The following GRIP1 variants were observed in gnomAD, a reference collection of about 807,000 sequenced individuals.
GRIP1 encodes the protein glutamate receptor interacting protein 1.
GRIP1 carries 45 observed loss-of-function variants against 129.9 expected under a neutral mutation model. The observed-to-expected ratio is 0.35, with a 90% CI of 0.27 to 0.44. The LOEUF (loss-of-function observed/expected upper bound fraction) is 0.44. Among genes scored for constraint, GRIP1 ranks in the 20% least tolerant of loss-of-function variants. The pLI is 1.00. For missense variants in GRIP1, 1,196 were observed against 1,396.8 expected, an observed-to-expected ratio of 0.86 and a Z score of 2.29; for synonymous variants, 530 against 520.8, an observed-to-expected ratio of 1.02 and a Z score of -0.24.
At chr12:66,631,328 T>A in intron 1 of GRIP1, among the ~76,000 whole-genome samples, 1 of 152,228 alleles carries the variant, frequency 6.6e-6, no homozygotes, top group Admixed American at 6.5e-5. Context: ...CCGCTGAAGC[T>A]GGCGTTATTT....
chr12:66,583,526 T>C (rs1471253266), intron 2 of GRIP1, among the ~76,000 whole-genome samples: 1 of 127,580 alleles, frequency 7.8e-6, no homozygotes, highest in African/African-American at 3.0e-5. Flanking sequence ...AGGGCTAATA[T>C]CCAGAATCTA....
intron 14 of GRIP1, 58 bp from the exon 15 acceptor site, chr12:66,420,847 T>A: frequency 1.1e-6 from 1 of 934,920 alleles, no homozygotes; most frequent in Non-Finnish European, 1.8e-6. Context: ...CCCCTTACTG[T>A]ACATTTCCCC....
intron 2 of GRIP1, among the ~76,000 whole-genome samples, chr12:66,572,747 T>G (rs1413584830): frequency 6.6e-6 from 1 of 152,176 alleles, no homozygotes; most frequent in East Asian, 1.9e-4. Flanking sequence ...ACCCCCAGTG[T>G]GAGAAACTAA....
At chr12:66,907,890 T>C (rs2137298627) in intron 1 of GRIP1, among the ~76,000 whole-genome samples, 1 of 152,172 alleles carries the variant, frequency 6.6e-6, no homozygotes, top group East Asian at 1.9e-4. Context: ...GGAGAAAGGG[T>C]CATGCCAACC....
intron 2 of GRIP1, among the ~76,000 whole-genome samples, chr12:66,555,507 C>A (rs1407411173): frequency 1.1e-4 from 17 of 152,172 alleles, no homozygotes; most frequent in Admixed American, 1.1e-3. Flanking sequence ...AATGCTCAGA[C>A]ACTGATGAAC....
At chr12:66,761,637 A>G (rs2136672595) in intron 1 of GRIP1, among the ~76,000 whole-genome samples, 1 of 152,330 alleles carries the variant, frequency 6.6e-6, no homozygotes. Flanking sequence ...TCTCAAGGAC[A>G]GGTATTTCAT....
At chr12:66,829,441 G>A (rs7971255) in intron 1 of GRIP1, among the ~76,000 whole-genome samples, 85 of 152,214 alleles carry the variant, frequency 5.6e-4, no homozygotes, top group African/African-American at 1.8e-3. Context: ...AGAACTCTAA[G>A]AGAAACAATA....
chr12:66,872,328 C>G (rs771020939), intron 1 of GRIP1, among the ~76,000 whole-genome samples: 1 of 152,026 alleles, frequency 6.6e-6, no homozygotes, highest in Non-Finnish European at 1.5e-5. Flanking sequence ...CAGGCAACAG[C>G]ACAGGTTGCA....
chr12:66,506,469 A>C (rs895684198), intron 7 of GRIP1, among the ~76,000 whole-genome samples: 3 of 152,194 alleles, frequency 2.0e-5, no homozygotes, highest in Non-Finnish European at 4.4e-5. Context: ...ATTTATATAA[A>C]GTTTAAAGTC....
chr12:66,625,713 G>T (rs539425161), intron 1 of GRIP1, among the ~76,000 whole-genome samples: 2 of 152,236 alleles, frequency 1.3e-5, no homozygotes, highest in African/African-American at 4.8e-5. Context: ...AATTTTAAAT[G>T]GAGCTTCCAA....
At chr12:66,984,580 C>A (rs1224832636) in intron 1 of GRIP1, among the ~76,000 whole-genome samples, 2 of 152,056 alleles carry the variant, frequency 1.3e-5, no homozygotes, top group African/African-American at 4.8e-5. Flanking sequence ...TATGATTATC[C>A]CCATTTTATA....
intron 1 of GRIP1, among the ~76,000 whole-genome samples, chr12:66,699,789 T>A (rs1314574179): frequency 6.6e-6 from 1 of 152,152 alleles, no homozygotes; most frequent in East Asian, 1.9e-4. Flanking sequence ...GAATGGCACA[T>A]CCTTACTCAC....
chr12:66,916,616 T>C (rs2041126814), intron 1 of GRIP1, among the ~76,000 whole-genome samples: 1 of 152,148 alleles, frequency 6.6e-6, no homozygotes, highest in African/African-American at 2.4e-5. Context: ...GTATCTACCA[T>C]TACTTCAAAA....
chr12:66,408,340 G>A (rs28813994), intron 15 of GRIP1, among the ~76,000 whole-genome samples: 5,357 of 152,152 alleles, frequency 0.035, 316 homozygotes, highest in African/African-American at 0.12. Context: ...TTAGCCAGGC[G>A]TGGTGGTGCA....
chr12:66,791,155 A>G (rs2038520488), intron 1 of GRIP1, among the ~76,000 whole-genome samples: 1 of 152,214 alleles, frequency 6.6e-6, no homozygotes, highest in Non-Finnish European at 1.5e-5. Flanking sequence ...AATCACTCTA[A>G]GTGAACCAGG....
rs1425079095 is a variant in GRIP1, at chr12:66,727,386, C to T, written c.-420+76667G>A. ...TGAGGTGAGGTCTTAAAAGGCATCACATGCTTCTGCTCAGTCCTCTTGCTC... is the reference window on the plus strand; with the variant it reads ...TGAGGTGAGGTCTTAAAAGGCATCATATGCTTCTGCTCAGTCCTCTTGCTC... On this transcript the variant is annotated intron_variant, in intron 1 of 4. Coordinates refer to the GRIP1 transcript ENST00000538373. 2.0e-5 allele frequency among the ~76,000 whole-genome samples: 3 copies of T among 152,194 alleles called. No individual in the cohort carries two copies. The East Asian group carries it at 5.8e-4, about 29-fold the overall frequency.
chr12:66,842,758 GA>G (rs2039743960), intron 1 of GRIP1, among the ~76,000 whole-genome samples: 1 of 152,114 alleles, frequency 6.6e-6, no homozygotes, highest in African/African-American at 2.4e-5. Flanking sequence ...AATTGATGCT[GA>G]ATGAATTAAT....
intron 7 of GRIP1, among the ~76,000 whole-genome samples, chr12:66,493,006 A>AAACAAACAAAC (rs2060144924): frequency 6.6e-6 from 1 of 151,064 alleles, no homozygotes; most frequent in African/African-American, 2.4e-5. Flanking sequence ...ACTCTGTCTC[A>AAACAAACAAAC]AAACAAACAA....
At chr12:66,449,118 C>T (rs888276573) in intron 11 of GRIP1, among the ~76,000 whole-genome samples, 1 of 152,146 alleles carries the variant, frequency 6.6e-6, no homozygotes, top group African/African-American at 2.4e-5. Flanking sequence ...TCTGCATTTC[C>T]ACATTTCTAA....
Sources: allele counts gnomAD v4.1 joint callset (sites outside exome capture counted in the v4.1 genomes callset), GRCh38; gene constraint gnomAD v4.1.1; transcripts MANE v1.5; gene names NCBI Gene and HGNC (gene_info 2026-07-23, HGNC 2026-07-21).